The following SLC2A9 variants were observed in gnomAD, a reference collection of about 807,000 sequenced individuals.
The protein encoded by SLC2A9 is solute carrier family 2 member 9.
SLC2A9 carries 39 observed loss-of-function variants against 50.6 expected under a neutral mutation model. That is an observed-to-expected ratio of 0.77 (90% CI 0.60 to 1.01). SLC2A9 has a LOEUF of 1.01. Ranked by LOEUF, SLC2A9 falls within the 50% of genes least tolerant of loss-of-function variation. The pLI, the probability that SLC2A9 is intolerant of heterozygous loss-of-function variation, is 0.00. For synonymous variants in SLC2A9, 324 were observed against 276.9 expected (o/e 1.17, Z -1.69); for missense variants, 686 against 677.6 (o/e 1.01, Z -0.14).
At chr4:9,782,247 C>T in intron 3 of SLC2A9, 1 of 1,613,660 alleles carries the variant, frequency 6.2e-7, no homozygotes, top group Non-Finnish European at 8.5e-7. Flanking sequence ...CACCTGCGCG[C>T]CAACATGACC....
chr4:9,787,227 A>G (rs1388555526), intron 3 of SLC2A9, among the ~76,000 whole-genome samples: 2 of 152,190 alleles, frequency 1.3e-5, no homozygotes, highest in Non-Finnish European at 2.9e-5. Flanking sequence ...TCCATACACC[A>G]TATTCATTGG....
chr4:9,987,205 C>T (rs1756877192), intron 3 of SLC2A9, among the ~76,000 whole-genome samples: 1 of 152,156 alleles, frequency 6.6e-6, no homozygotes, highest in East Asian at 1.9e-4. Flanking sequence ...CTGCAGTTTC[C>T]ACTTCCCAGG....
intron 3 of SLC2A9, among the ~76,000 whole-genome samples, chr4:9,988,923 G>A (rs1196828101): frequency 1.3e-5 from 2 of 152,222 alleles, no homozygotes; most frequent in East Asian, 3.8e-4. Flanking sequence ...GCACCAGGAC[G>A]GATTGGGGGA....
chr4:9,970,422 G>A (rs1170591689), intron 5 of SLC2A9, among the ~76,000 whole-genome samples: 1 of 152,120 alleles, frequency 6.6e-6, no homozygotes, highest in African/African-American at 2.4e-5. Flanking sequence ...AGGGGCAAGT[G>A]GGGGTACTGT....
intron 2 of SLC2A9, among the ~76,000 whole-genome samples, chr4:9,997,254 G>A (rs80081453): frequency 8.5e-4 from 129 of 152,102 alleles, no homozygotes; most frequent in Non-Finnish European, 1.7e-3. Context: ...TTTGGAGATA[G>A]GGAAACTGAG....
chr4:9,782,959 G>T, intron 3 of SLC2A9: 1 of 1,613,968 alleles, frequency 6.2e-7, no homozygotes, highest in South Asian at 1.1e-5. Flanking sequence ...GTTGCTGGCT[G>T]CCCTTCTTCA....
intron 8 of SLC2A9, among the ~76,000 whole-genome samples, chr4:9,897,339 G>A (rs948243968): frequency 6.6e-6 from 1 of 152,180 alleles, no homozygotes; most frequent in Non-Finnish European, 1.5e-5. Flanking sequence ...AGAGCCAGGA[G>A]TCTCTGCCCT....
At chr4:9,890,461 G>T in intron 9 of SLC2A9, 149 bp downstream of exon 9, 2 of 779,274 alleles carry the variant, frequency 2.6e-6, no homozygotes, top group Non-Finnish European at 4.4e-6. Context: ...ACCCTCAGCA[G>T]CTCCAGAGAT....
At position 10,019,078 on chromosome 4, in the gene SLC2A9, G is replaced by C. The variant is rs1478982359; in HGVS notation, c.151-5C>G. On this transcript the variant is annotated splice_polypyrimidine_tract_variant and splice_region_variant and intron_variant, in intron 1 of 11. Transcript: ENST00000264784. Reference sequence around the variant, plus strand: ...GAGGAGCGAGCAGGACCAGTCCTGAGGGGAGAGGAAACCACGTCAGAGCCG... The same window carrying C: ...GAGGAGCGAGCAGGACCAGTCCTGACGGGAGAGGAAACCACGTCAGAGCCG... 2 of 1,551,132 alleles carry C rather than the reference G, an allele frequency of 1.3e-6. No homozygotes were observed. The highest frequency in any genetic ancestry group is 3.9e-5 in the Admixed American group (2 of 51,018).
At chr4:9,826,669 A>C in intron 11 of SLC2A9, 69 bp from the exon 12 acceptor site, 1 of 1,431,518 alleles carries the variant, frequency 7.0e-7, no homozygotes. Flanking sequence ...CCATCTCTAC[A>C]CAGATTTTTA....
intron 10 of SLC2A9, among the ~76,000 whole-genome samples, chr4:9,837,871 C>A (rs1187902836): frequency 6.6e-6 from 1 of 152,158 alleles, no homozygotes; most frequent in Non-Finnish European, 1.5e-5. Flanking sequence ...TCTTCCCAAC[C>A]AGAGAAGGTG....
intron 6 of SLC2A9, among the ~76,000 whole-genome samples, chr4:9,924,582 T>C (rs1744558933): frequency 6.6e-6 from 1 of 152,148 alleles, no homozygotes; most frequent in Admixed American, 6.5e-5. Context: ...CTTCCTCAAT[T>C]GTACCCTCTC....
intron 8 of SLC2A9, among the ~76,000 whole-genome samples, chr4:9,906,316 C>T (rs1287845680): frequency 3.9e-5 from 6 of 152,290 alleles, no homozygotes; most frequent in African/African-American, 9.6e-5. Flanking sequence ...ACAACCTCAC[C>T]CGCAGACAAT....
At chr4:9,870,488 C>A (rs961483104) in intron 10 of SLC2A9, among the ~76,000 whole-genome samples, 1 of 152,180 alleles carries the variant, frequency 6.6e-6, no homozygotes, top group Non-Finnish European at 1.5e-5. Flanking sequence ...AGCATACGCA[C>A]CAAAACTTTG....
upstream of SLC2A9, among the ~76,000 whole-genome samples, chr4:10,021,909 T>G (rs1763537919): frequency 6.6e-6 from 1 of 151,782 alleles, no homozygotes; most frequent in Admixed American, 6.6e-5. Flanking sequence ...ATGCAATCTC[T>G]GCTCACTGCA....
intron 6 of SLC2A9, among the ~76,000 whole-genome samples, chr4:9,932,141 T>C (rs1746264739): frequency 6.6e-6 from 1 of 151,358 alleles, no homozygotes. Flanking sequence ...CTCTCTCTCT[T>C]TCTCCATGCC....
chr4:9,778,833 T>C (rs1169677520), downstream of SLC2A9, among the ~76,000 whole-genome samples: 2 of 152,130 alleles, frequency 1.3e-5, no homozygotes, highest in East Asian at 3.9e-4. Context: ...TCTTTTCTTC[T>C]TTTTGTAATG....
chr4:9,779,734 T>C (rs993925982), downstream of SLC2A9: 15 of 113,694 alleles, frequency 1.3e-4, no homozygotes, highest in African/African-American at 4.7e-4. Flanking sequence ...GCTTTTAGAA[T>C]AGCATCTCTC....
At chr4:9,855,553 C>T (rs968414050) in intron 10 of SLC2A9, among the ~76,000 whole-genome samples, 2 of 152,238 alleles carry the variant, frequency 1.3e-5, no homozygotes, top group Admixed American at 6.5e-5. Flanking sequence ...AAGCAATTTA[C>T]AGATTCAATG....
Sources: gnomAD v4.1 joint callset for allele counts (sites outside exome capture counted in the v4.1 genomes callset) on GRCh38, gnomAD v4.1.1 for gene constraint, MANE v1.5 for transcripts, NCBI Gene and HGNC (gene_info 2026-07-23, HGNC 2026-07-21) for gene names.